Variants in SV2C observed in about 807,000 individuals in gnomAD.
SV2C encodes the protein synaptic vesicle glycoprotein 2C.
SV2C carries 49 observed loss-of-function variants against 79.7 expected under a neutral mutation model. That is an observed-to-expected ratio of 0.61 (90% CI 0.49 to 0.78). SV2C has a LOEUF of 0.78. Among genes scored for constraint, SV2C ranks in the 30% least tolerant of loss-of-function variants. The pLI is 0.00. For missense variants in SV2C, 833 were observed against 912.9 expected (o/e 0.91, Z 1.13); for synonymous variants, 334 against 333.2 (o/e 1.00, Z -0.03).
chr5:76,000,294 A>T, the SV2C span, among the ~76,000 whole-genome samples: 1 of 152,152 alleles, frequency 6.6e-6, no homozygotes, highest in Non-Finnish European at 1.5e-5. Context: ...CATGGCAAGC[A>T]GAGAGAAAGA....
chr5:76,101,583 T>C (rs921405094), intron 1 of SV2C, among the ~76,000 whole-genome samples: 6 of 152,014 alleles, frequency 3.9e-5, no homozygotes, highest in Non-Finnish European at 8.8e-5. Flanking sequence ...AATGAAACTA[T>C]CAGAAGAACT....
rs148224050 is a variant in SV2C, at chr5:76,186,490, G to A, written c.581-8429G>A. On this transcript the variant is annotated intron_variant, in intron 2 of 12. Coordinates refer to ENST00000502798, the MANE Select transcript of SV2C (RefSeq NM_014979.4). Reference sequence around the variant, plus strand: ...GCAGATCACCTGAGATCAGGAGTTCGATCCCAGCCTGGCCAACATGGTGAA... The same window carrying A: ...GCAGATCACCTGAGATCAGGAGTTCAATCCCAGCCTGGCCAACATGGTGAA... Among the ~76,000 whole-genome samples the A allele has an allele frequency of 2.1e-3, 327 of 152,206 alleles. 3 individuals are homozygous for A. The highest frequency in any genetic ancestry group is 6.9e-3 in the African/African-American group (285 of 41,514).
intron 4 of SV2C, among the ~76,000 whole-genome samples, chr5:76,277,014 G>A (rs1371819559): frequency 6.6e-6 from 1 of 152,100 alleles, no homozygotes; most frequent in Non-Finnish European, 1.5e-5. Context: ...GATATCACTA[G>A]GCATTAGGGA....
the SV2C span, among the ~76,000 whole-genome samples, chr5:76,030,061 C>T: frequency 6.6e-6 from 1 of 152,042 alleles, no homozygotes; most frequent in Non-Finnish European, 1.5e-5. Context: ...ATTGAAGGGT[C>T]AGGGAAACCA....
the SV2C span, among the ~76,000 whole-genome samples, chr5:75,848,377 A>G: frequency 6.6e-6 from 1 of 152,218 alleles, no homozygotes; most frequent in African/African-American, 2.4e-5. Context: ...GAGTAGTTAC[A>G]TATATTCTAC....
At chr5:76,028,982 G>A in the SV2C span, among the ~76,000 whole-genome samples, 1 of 152,186 alleles carries the variant, frequency 6.6e-6, no homozygotes, top group Non-Finnish European at 1.5e-5. Context: ...TATAACCCCA[G>A]CACTCAGGAG....
At chr5:75,993,171 A>G in the SV2C span, among the ~76,000 whole-genome samples, 3 of 152,236 alleles carry the variant, frequency 2.0e-5, no homozygotes, top group East Asian at 1.9e-4. Flanking sequence ...ATTTTAAATT[A>G]CAGTATACTA....
chr5:76,174,099 C>G (rs1184911157), intron 2 of SV2C: 1 of 1,590,122 alleles, frequency 6.3e-7, no homozygotes, highest in Non-Finnish European at 8.6e-7. Flanking sequence ...TATTTTTCTA[C>G]AAAAATTCCT....
the SV2C span, among the ~76,000 whole-genome samples, chr5:76,006,786 T>C: frequency 7.7e-6 from 1 of 129,192 alleles, no homozygotes; most frequent in African/African-American, 3.1e-5. Flanking sequence ...CCAAACTCTA[T>C]CATTGTTGTT....
intron 7 of SV2C, 67 bp downstream of exon 7, chr5:76,291,398 G>A: frequency 7.6e-7 from 1 of 1,309,916 alleles, no homozygotes; most frequent in Non-Finnish European, 1.1e-6. Flanking sequence ...CAGAAGAGGG[G>A]TTTACTGGGC....
chr5:75,896,668 G>C, the SV2C span, among the ~76,000 whole-genome samples: 2 of 151,564 alleles, frequency 1.3e-5, no homozygotes, highest in African/African-American at 4.9e-5. Flanking sequence ...GGTTGAACTA[G>C]TTTACAGTCC....
chr5:75,857,967 CT>C, the SV2C span, among the ~76,000 whole-genome samples: 1 of 152,204 alleles, frequency 6.6e-6, no homozygotes, highest in African/African-American at 2.4e-5. Context: ...TATCCTGCAA[CT>C]TTACTGATAT....
At chr5:76,253,160 T>A (rs1320071199) in intron 4 of SV2C, among the ~76,000 whole-genome samples, 4 of 152,210 alleles carry the variant, frequency 2.6e-5, no homozygotes, top group Non-Finnish European at 5.9e-5. Context: ...AGAAAAAGCA[T>A]GATTCATGCC....
intron 12 of SV2C, among the ~76,000 whole-genome samples, chr5:76,319,752 C>A (rs1475454958): frequency 6.6e-6 from 1 of 152,176 alleles, no homozygotes. Flanking sequence ...GAGATAGCAG[C>A]CCACATTTTA....
chr5:76,243,622 G>A (rs1745861634), intron 4 of SV2C, among the ~76,000 whole-genome samples: 2 of 152,108 alleles, frequency 1.3e-5, no homozygotes, highest in South Asian at 4.1e-4. Flanking sequence ...GCTGACTGGT[G>A]CCAAAGCCTC....
At chr5:76,034,089 C>T in the SV2C span, among the ~76,000 whole-genome samples, 1 of 151,924 alleles carries the variant, frequency 6.6e-6, no homozygotes, top group African/African-American at 2.4e-5. Flanking sequence ...GATTTTTGTA[C>T]ATTGATTTTG....
chr5:75,953,451 G>T, the SV2C span, among the ~76,000 whole-genome samples: 3 of 151,974 alleles, frequency 2.0e-5, no homozygotes, highest in African/African-American at 7.2e-5. Context: ...TTCTTTCATG[G>T]ATTCATTTTC....
rs74789480 is a variant in SV2C, at chr5:76,153,578, G to A, written c.580+21248G>A. The stretch of plus-strand genomic sequence containing the variant: ...GATCCCTGCTCCTGAGAGTTTACAG[G>A]CCAGAGAGGGACACAGACATATAAC... On this transcript the variant is annotated intron_variant, in intron 2 of 12. Coordinates refer to ENST00000502798, the MANE Select transcript of SV2C (RefSeq NM_014979.4). Among the ~76,000 whole-genome samples, 23 of 152,274 alleles carry A rather than the reference G, an allele frequency of 1.5e-4. No homozygotes were observed. The East Asian group carries it at 4.2e-3, about 28-fold the overall frequency.
Position 76,325,597 on chromosome 5 carries a change from A to G in SV2C, c.*50A>G. 3 of 1,598,866 alleles carry G rather than the reference A, an allele frequency of 1.9e-6. No homozygotes were observed. The highest frequency in any genetic ancestry group is 2.0e-4 in the Middle Eastern group (1 of 4,980). On this transcript the variant is annotated 3_prime_UTR_variant, in exon 13 of 13. Transcript: ENST00000502798. ...CGTTTCTTCCTCCTGCCCTGGGTCA[A>G]TTCTCCTTCCTGACTCAAGGCTTCA...
Sources: allele counts gnomAD v4.1 joint callset (sites outside exome capture counted in the v4.1 genomes callset), GRCh38; gene constraint gnomAD v4.1.1; transcripts MANE v1.5; gene names NCBI Gene and HGNC (gene_info 2026-07-23, HGNC 2026-07-21).